Variants in DPP10 observed in about 807,000 individuals in gnomAD.
DPP10 encodes inactive dipeptidyl peptidase 10.
DPP10 carries 33 observed loss-of-function variants against 120.9 expected under a neutral mutation model. That is an observed-to-expected ratio of 0.27 (90% CI 0.21 to 0.37). The LOEUF is 0.37. Among genes scored for constraint, DPP10 ranks in the 10% least tolerant of loss-of-function variants. The pLI is 1.00. For missense variants in DPP10, 816 were observed against 942.8 expected (o/e 0.87, Z 1.76); for synonymous variants, 337 against 326.1 (o/e 1.03, Z -0.36).
intron 5 of DPP10, among the ~76,000 whole-genome samples, chr2:115,557,891 A>T (rs1016707094): frequency 6.6e-6 from 1 of 152,218 alleles, no homozygotes; most frequent in Non-Finnish European, 1.5e-5. Context: ...TTGAAGTATC[A>T]TTCTAAAAAC....
chr2:114,610,997 T>G (rs962574163), intron 1 of DPP10, among the ~76,000 whole-genome samples: 2 of 152,122 alleles, frequency 1.3e-5, no homozygotes, highest in African/African-American at 4.8e-5. Flanking sequence ...AGGTACAGCT[T>G]CCCAAACACA....
At chr2:115,372,152 T>C (rs1280754280) in intron 3 of DPP10, among the ~76,000 whole-genome samples, 1 of 152,150 alleles carries the variant, frequency 6.6e-6, no homozygotes, top group Non-Finnish European at 1.5e-5. Context: ...TTGTTGATTA[T>C]AGTTTAAATG....
In DPP10 at chr2:115,469,936, C is replaced by A. The variant is rs1252446837; in HGVS notation, c.272-29574C>A. The stretch of plus-strand genomic sequence containing the variant: ...ACTAGTTTCTTTAAAATGTGGATAT[C>A]AGTTAAAATCTGTGTATTGTATTGC... On this transcript the variant is annotated intron_variant, in intron 3 of 25. Coordinates refer to ENST00000410059, the MANE Select transcript of DPP10 (RefSeq NM_020868.6). Among the ~76,000 whole-genome samples, 2 of 147,330 alleles carry A rather than the reference C, an allele frequency of 1.4e-5. 1 individual carries two copies. The highest frequency in any genetic ancestry group is 6.9e-3 in the Middle Eastern group (2 of 290).
chr2:114,747,300 G>T (rs1678666750), intron 1 of DPP10, among the ~76,000 whole-genome samples: 1 of 152,118 alleles, frequency 6.6e-6, no homozygotes, highest in Non-Finnish European at 1.5e-5. Flanking sequence ...ACTTTGGTCT[G>T]TCTTCCTTTT....
rs181300701 is a variant in DPP10 at position 114,654,147 on chromosome 2, A to G, written c.60+211309A>G. On this transcript the variant is annotated intron_variant, in intron 1 of 25. Coordinates refer to ENST00000410059, the MANE Select transcript of DPP10 (RefSeq NM_020868.6). ...GTTTTACCCCTACTGTCCTACTGCTATTCAAAGACCTAGCACTTCTGTACA... is the reference window on the plus strand; with the variant it reads ...GTTTTACCCCTACTGTCCTACTGCTGTTCAAAGACCTAGCACTTCTGTACA... Among the ~76,000 whole-genome samples the G allele has an allele frequency of 2.6e-5, 4 of 152,286 alleles. No homozygotes were observed. In the East Asian group the frequency reaches 7.7e-4, roughly 29 times the overall value.
intron 1 of DPP10, among the ~76,000 whole-genome samples, chr2:115,226,838 G>A (rs906835926): frequency 1.3e-5 from 2 of 152,080 alleles, no homozygotes; most frequent in African/African-American, 4.8e-5. Flanking sequence ...GATTTTGCGT[G>A]TTGTTAAGGG....
intron 1 of DPP10, among the ~76,000 whole-genome samples, chr2:115,033,953 A>G (rs1201655388): frequency 4.0e-5 from 5 of 124,598 alleles, no homozygotes; most frequent in African/African-American, 1.6e-4. Context: ...GCTGTAGTGC[A>G]GTGGTGCAAT....
At chr2:115,279,641 C>CTTT (rs1200835822) in intron 1 of DPP10, among the ~76,000 whole-genome samples, 6 of 66,386 alleles carry the variant, frequency 9.0e-5, no homozygotes, top group Admixed American at 1.5e-4. Context: ...TTCTTTCTTT[C>CTTT]TTTTTTTCTT....
At chr2:114,873,469 C>CCAA (rs899101300) in intron 1 of DPP10, among the ~76,000 whole-genome samples, 1 of 152,096 alleles carries the variant, frequency 6.6e-6, no homozygotes, top group Non-Finnish European at 1.5e-5. Context: ...GTTTTGCCAA[C>CCAA]CAACACTACA....
intron 1 of DPP10, among the ~76,000 whole-genome samples, chr2:114,744,590 G>A (rs767542899): frequency 6.6e-5 from 10 of 152,192 alleles, no homozygotes; most frequent in Non-Finnish European, 1.2e-4. Context: ...TGAAATAGAG[G>A]CAGTTATGCG....
chr2:114,578,056 C>T (rs556405454), intron 1 of DPP10, among the ~76,000 whole-genome samples: 2 of 152,158 alleles, frequency 1.3e-5, no homozygotes, highest in Non-Finnish European at 2.9e-5. Context: ...AACCTATAAT[C>T]GCAACCTATA....
At chr2:115,605,407 CCTG>C (rs1043962542) in intron 5 of DPP10, among the ~76,000 whole-genome samples, 3 of 151,976 alleles carry the variant, frequency 2.0e-5, no homozygotes, top group African/African-American at 7.2e-5. Context: ...TAATTTATTA[CCTG>C]CTTTTGGTAT....
At chr2:115,128,473 C>T (rs551696711) in intron 1 of DPP10, among the ~76,000 whole-genome samples, 1 of 152,206 alleles carries the variant, frequency 6.6e-6, no homozygotes, top group Non-Finnish European at 1.5e-5. Flanking sequence ...CTCATAATTC[C>T]TCTGAGGAGC....
At position 114,735,595 on chromosome 2, in the gene DPP10, G is replaced by A. The variant is rs989987639; in HGVS notation, c.60+292757G>A. ...ATGACCAAGCAAATCCCCTTTCTAT[G>A]AGCATAATGAAGGATTTTGCTTACA... On this transcript the variant is annotated intron_variant, in intron 1 of 25. Transcript: ENST00000410059. 1.4e-4 allele frequency among the ~76,000 whole-genome samples: 22 copies of A among 151,952 alleles called. No individual in the cohort carries two copies. In the East Asian group the frequency reaches 1.9e-3, roughly 13 times the overall value.
At chr2:115,084,221 C>T (rs1251305866) in intron 1 of DPP10, among the ~76,000 whole-genome samples, 1 of 152,110 alleles carries the variant, frequency 6.6e-6, no homozygotes, top group African/African-American at 2.4e-5. Flanking sequence ...TTTATATCCC[C>T]ATCATTTAGC....
intron 1 of DPP10, among the ~76,000 whole-genome samples, chr2:115,117,012 T>C (rs910155333): frequency 2.0e-5 from 3 of 152,232 alleles, no homozygotes; most frequent in Non-Finnish European, 2.9e-5. Context: ...TTATTTATTC[T>C]GCCTCATAAT....
At chr2:114,451,716 C>T (rs554432998) in intron 1 of DPP10, among the ~76,000 whole-genome samples, 18 of 152,160 alleles carry the variant, frequency 1.2e-4, no homozygotes, top group South Asian at 8.3e-4. Flanking sequence ...CAGGATTTGG[C>T]TGTACTCTGA....
chr2:115,518,281 A>C (rs1450026605), intron 4 of DPP10, among the ~76,000 whole-genome samples: 1 of 152,186 alleles, frequency 6.6e-6, no homozygotes, highest in African/African-American at 2.4e-5. Context: ...TGAGGAATAT[A>C]TATGAATATA....
chr2:115,052,630 A>C (rs918957687), intron 1 of DPP10, among the ~76,000 whole-genome samples: 4 of 152,174 alleles, frequency 2.6e-5, no homozygotes, highest in Admixed American at 1.3e-4. Context: ...GTGAGATACC[A>C]CTTCATACCC....
Sources: allele counts gnomAD v4.1 joint callset (sites outside exome capture counted in the v4.1 genomes callset), GRCh38; gene constraint gnomAD v4.1.1; transcripts MANE v1.5; gene names NCBI Gene and HGNC (gene_info 2026-07-23, HGNC 2026-07-21).